The following ITPR3 variants were observed in gnomAD, a reference collection of about 807,000 sequenced individuals.
The protein encoded by ITPR3 is inositol 1,4,5-trisphosphate receptor type 3, also known as inositol 1,4,5-trisphosphate-gated calcium channel ITPR3.
Under a neutral mutation model 293.2 loss-of-function variants are expected in ITPR3, and 173 were observed. That is an observed-to-expected ratio of 0.59 (90% CI 0.52 to 0.67). The LOEUF (loss-of-function observed/expected upper bound fraction) is 0.67, where lower values mean the gene tolerates loss of function less well. Among genes scored for constraint, ITPR3 ranks in the 30% least tolerant of loss-of-function variants. The pLI is 0.00. For missense variants in ITPR3, 2,796 were observed against 3,592.1 expected (o/e 0.78, Z 5.66); for synonymous variants, 1,295 against 1,444.4 (o/e 0.90, Z 2.35).
chr6:33,661,188 TTGCATTCACTGC>T (rs1202451090), intron 7 of ITPR3, among the ~76,000 whole-genome samples: 1 of 152,252 alleles, frequency 6.6e-6, no homozygotes, highest in Non-Finnish European at 1.5e-5. Flanking sequence ...TCATGCATTC[TTGCATTCACTGC>T]TGCATTCACT....
Position 33,691,110 on chromosome 6 carries a change from G to A in ITPR3, c.7225+1G>A. 1 of 1,613,948 alleles carries A rather than the reference G, an allele frequency of 6.2e-7. No individual in the cohort carries two copies. The highest frequency in any genetic ancestry group is 8.5e-7 in the Non-Finnish European group (1 of 1,179,870). On this transcript the variant is annotated splice_donor_variant, in intron 52 of 57. Transcript: ENST00000605930. LOFTEE classifies it high-confidence loss of function. The surrounding 1 kb of genome is among the most constrained non-coding windows in gnomAD (Gnocchi z 4.9). ...CGGCTGCCCAACAACCACTCCACAG[G>A]TCTTGGAGGCTTCCTCTCCTGGGCA...
intron 7 of ITPR3, 71 bp from the exon 8 acceptor site, chr6:33,662,457 G>A (rs767333466): frequency 6.6e-7 from 1 of 1,505,676 alleles, no homozygotes; most frequent in East Asian, 2.5e-5. Context: ...GGCAGGTGGG[G>A]CTGGGCCCTG....
rs538529156 is a variant in ITPR3, at chr6:33,670,118, T to G, written c.2190-207T>G. On this transcript the variant is annotated intron_variant, in intron 18 of 57. Coordinates refer to ENST00000605930, the MANE Select transcript of ITPR3 (RefSeq NM_002224.4). This position sits in a 1 kb window ranked among gnomAD's most constrained non-coding sequence, Gnocchi z 6.7. Reference sequence around the variant, plus strand: ...TCTTCCCATGAAGACCTGTCCTGGCTGAGCCTTAGCCAGGAGGGGGAGAAT... The same window carrying G: ...TCTTCCCATGAAGACCTGTCCTGGCGGAGCCTTAGCCAGGAGGGGGAGAAT... Among the ~76,000 whole-genome samples the G allele has an allele frequency of 8.5e-4, 129 of 152,316 alleles. 1 individual carries two copies. The highest frequency in any genetic ancestry group is 2.6e-3 in the African/African-American group (109 of 41,576).
At position 33,687,456 on chromosome 6, in the gene ITPR3, A is replaced by C; in HGVS notation, c.6178-22A>C. ...GTCCCCCAGCCACCACACCCTGGTG[A>C]CTGTGCTGCCATTTCCCTCAGCTCT... On this transcript the variant is annotated intron_variant, in intron 45 of 57. Transcript: ENST00000605930. The surrounding 1 kb of genome is among the most constrained non-coding windows in gnomAD (Gnocchi z 5.3). 6.3e-7 allele frequency: 1 copy of C among 1,595,508 alleles called. No individual in the cohort carries two copies. Among genetic ancestry groups the C allele is most frequent in the Non-Finnish European group, 8.6e-7 (1 of 1,168,498 alleles).
In ITPR3 at chr6:33,680,664, A is replaced by G; in HGVS notation, c.4460A>G (p.Asn1487Ser). ...TTCTTCAGCTCCCCATTCTCTGAGAACAGCACTTCCCTGCAGGTGAGCTTC... is the reference window on the plus strand; with the variant it reads ...TTCTTCAGCTCCCCATTCTCTGAGAGCAGCACTTCCCTGCAGGTGAGCTTC... ...NAFFSSPFSE[N>S]STSLQTHQTI... The change falls in exon 33 of 58, where the codon AAC becomes AGC. Residue 1487 changes from asparagine (N) to serine (S), a missense_variant. By Grantham distance (46) the Asn-to-Ser change is conservative. Transcript: ENST00000605930. 1 of 1,613,716 alleles carries G rather than the reference A, an allele frequency of 6.2e-7. No homozygotes were observed. Among genetic ancestry groups the G allele is most frequent in the Non-Finnish European group, 8.5e-7 (1 of 1,179,662 alleles).
Position 33,672,148 on chromosome 6 carries a change from C to A in ITPR3, c.2848C>A (p.Pro950Thr), listed in dbSNP as rs933079989. 1.2e-6 allele frequency: 2 copies of A among 1,613,940 alleles called. No individual in the cohort carries two copies. The highest frequency in any genetic ancestry group is 2.7e-5 in the African/African-American group (2 of 74,894). ...GTCTGCTGGGGCCAGTGCTGCTGAG[C>A]CGCTGGACAGAAGCAAGTTTGAGGA... is the stretch of plus-strand genomic sequence containing the variant. ...SLSAGASAAE[P>T]LDRSKFEENE... The change falls in exon 22 of 58, where the codon CCG (proline) becomes ACG (threonine). Residue 950 changes from proline (P) to threonine (T), a missense_variant. Coordinates refer to ENST00000605930, the MANE Select transcript of ITPR3 (RefSeq NM_002224.4). The surrounding 1 kb of genome is among the most constrained non-coding windows in gnomAD (Gnocchi z 5.0).
chr6:33,663,715 C>T (rs745849263), intron 10 of ITPR3, 23 bp from the exon 11 acceptor site: 1 of 1,612,790 alleles, frequency 6.2e-7, no homozygotes, highest in South Asian at 1.1e-5. Flanking sequence ...GGGCCTTCTA[C>T]CTGATTTGGG....
intron 1 of ITPR3, among the ~76,000 whole-genome samples, chr6:33,636,950 C>T (rs1461475411): frequency 6.6e-6 from 1 of 152,216 alleles, no homozygotes; most frequent in Non-Finnish European, 1.5e-5. Flanking sequence ...TGCACAGCGC[C>T]TGCTCTGACG....
chr6:33,671,371 C>A, intron 21 of ITPR3, 65 bp downstream of exon 21: 1 of 1,220,096 alleles, frequency 8.2e-7, no homozygotes. Context: ...ACAGGAAGTT[C>A]CCTCAGATCA....
At position 33,686,567 on chromosome 6, in the gene ITPR3, G is replaced by T. The variant is rs750196893; in HGVS notation, c.5979+48G>T. On this transcript the variant is annotated intron_variant, in intron 43 of 57. Coordinates refer to ENST00000605930, the MANE Select transcript of ITPR3 (RefSeq NM_002224.4). ...TGAGTGCTGGGTGTGCATGTGATGT[G>T]CATGCATGTATGTGTGACTTGTGTG... is the stretch of plus-strand genomic sequence containing the variant. The T allele has an allele frequency of 3.7e-6, 5 of 1,340,118 alleles. No individual in the cohort carries two copies. The South Asian group carries it at 5.9e-5, about 16-fold the overall frequency. The allele number at this position is 1,340,118 out of a possible 1,614,324, so 83.0% of individuals were successfully genotyped here.
chr6:33,629,161 A>T (rs753380183), intron 1 of ITPR3, among the ~76,000 whole-genome samples: 1 of 152,130 alleles, frequency 6.6e-6, no homozygotes, highest in Non-Finnish European at 1.5e-5. Context: ...ATCATTGTTT[A>T]CAGTGGTCAC....
intron 33 of ITPR3, 140 bp downstream of exon 33, chr6:33,680,820 CTT>C (rs747753235): frequency 0.041 from 23,016 of 555,282 alleles, no homozygotes; most frequent in South Asian, 0.055. Context: ...TATTGGTTAT[CTT>C]TTTTTTTTTT....
rs771833952 is a variant in ITPR3, at chr6:33,691,917, C to A, written c.7447C>A (p.Pro2483Thr). ...TGGCGTGGGCGACATTCTCCGCAAGCCCTCCAAAGATGTGAGCACTCCTGC... is the reference window on the plus strand; with the variant it reads ...TGGCGTGGGCGACATTCTCCGCAAGACCTCCAAAGATGTGAGCACTCCTGC... ...GGGVGDILRK[P>T]SKDESLFPAR... The change falls in exon 54 of 58, where the codon CCC (proline) becomes ACC (threonine). Residue 2483 changes from proline (P) to threonine (T), a missense_variant. Physicochemically the swap from Pro to Thr is conservative, Grantham distance 38. Transcript: ENST00000605930. This position sits in a 1 kb window ranked among gnomAD's most constrained non-coding sequence, Gnocchi z 4.9. The A allele has an allele frequency of 6.2e-7, 1 of 1,614,054 alleles. No individual in the cohort carries two copies. Among genetic ancestry groups the A allele is most frequent in the East Asian group, 2.2e-5 (1 of 44,886 alleles).
rs1561864735 is a variant in ITPR3, at chr6:33,663,788, C to T, written c.1056C>T (p.Tyr352=). Residue 352 remains tyrosine, a synonymous_variant, in exon 11 of 58, where the codon TAC becomes TAT. Transcript: ENST00000605930. ...GGAATGCTGGGGAGAAGATCAAGTA[C>T]TGCCTGGTGGCTGTGCCTCATGGCA... ...GRRNAGEKIK[Y]CLVAVPHGND... 1.2e-6 allele frequency: 2 copies of T among 1,614,196 alleles called. No homozygotes were observed.
intron 28 of ITPR3, 117 bp from the exon 29 acceptor site, chr6:33,678,304 G>A (rs1764965738): frequency 7.1e-7 from 1 of 1,399,590 alleles, no homozygotes; most frequent in Non-Finnish European, 9.8e-7. Context: ...CTTTACGCTG[G>A]CCTCTTCACG....
rs370396397 is a variant in ITPR3 at position 33,682,691 on chromosome 6, G to A, written c.4597+47G>A. On this transcript the variant is annotated intron_variant, in intron 34 of 57. Coordinates refer to ENST00000605930, the MANE Select transcript of ITPR3 (RefSeq NM_002224.4). The surrounding 1 kb of genome is among the most constrained non-coding windows in gnomAD (Gnocchi z 5.4). ...CCAGCCCCAAACCACTCCTCCTGCC[G>A]CTCACAGTGGGGACGCCTGCCCTCC... 4.9e-5 allele frequency: 76 copies of A among 1,560,042 alleles called. 1 individual carries two copies. The highest frequency in any genetic ancestry group is 4.8e-4 in the South Asian group (40 of 82,782).
Position 33,680,052 on chromosome 6 carries a change from C to G in ITPR3, c.4143C>G (p.Val1381=), listed in dbSNP as rs1223942343. 6.2e-7 allele frequency: 1 copy of G among 1,613,872 alleles called. No homozygotes were observed. The highest frequency in any genetic ancestry group is 1.1e-5 in the South Asian group (1 of 91,088). The change falls in exon 31 of 58, where the codon GTC becomes GTG. Residue 1381 remains valine (V), a synonymous_variant. Transcript: ENST00000605930. The part of the protein sequence containing the change: ...LLAACAEGKN[V]YTEIKCTSLL... ...CCGCCTGTGCCGAGGGCAAAAACGTCTACACTGAGATCAAGTGCACCTCCC... is the reference window on the plus strand; with the variant it reads ...CCGCCTGTGCCGAGGGCAAAAACGTGTACACTGAGATCAAGTGCACCTCCC...
At chr6:33,662,436 A>G in intron 7 of ITPR3, 92 bp from the exon 8 acceptor site, 1 of 1,435,636 alleles carries the variant, frequency 7.0e-7, no homozygotes. Context: ...CCAGCAGCCA[A>G]CCCTGTCTGA....
At chr6:33,661,009 G>A (rs113598236) in intron 7 of ITPR3, among the ~76,000 whole-genome samples, 9,447 of 152,166 alleles carry the variant, frequency 0.062, 896 homozygotes, top group African/African-American at 0.2. Flanking sequence ...GGTCTACATA[G>A]AATTATTTCT....
Sources: allele counts gnomAD v4.1 joint callset (sites outside exome capture counted in the v4.1 genomes callset), GRCh38; gene constraint gnomAD v4.1.1; non-coding constraint Gnocchi (gnomAD v3.1); transcripts MANE v1.5; gene names NCBI Gene and HGNC (gene_info 2026-07-23, HGNC 2026-07-21).